The following KANSL1L variants were observed in gnomAD, a reference collection of about 807,000 sequenced individuals.
KANSL1L encodes KAT8 regulatory NSL complex subunit 1 like, also known as KAT8 regulatory NSL complex subunit 1-like protein.
A neutral mutation model predicts 108.6 loss-of-function variants in KANSL1L; 25 were observed. That is an observed-to-expected ratio of 0.23 (90% CI 0.17 to 0.32). KANSL1L has a LOEUF of 0.32. KANSL1L is among the 10% of genes least tolerant of loss of function. The probability of loss-of-function intolerance (pLI) is 1.00; values close to 1 mark genes in which losing one functional copy is unlikely to be tolerated. For missense variants in KANSL1L, 1,137 were observed against 1,125.7 expected (o/e 1.01, Z -0.14); for synonymous variants, 405 against 395.1 (o/e 1.03, Z -0.30).
Position 210,075,686 on chromosome 2 carries a change from T to G in KANSL1L, c.1621A>C (p.Lys541Gln). 1.2e-6 allele frequency: 2 copies of G among 1,614,014 alleles called. No homozygotes were observed. The highest frequency in any genetic ancestry group is 1.3e-5 in the African/African-American group (1 of 75,050). Reference protein sequence around the residue: ...WLLNQKHSKKKRKDRTRLKSS... With the variant: ...WLLNQKHSKKQRKDRTRLKSS... ...TTCAGTCTTGTCCTGTCTTTTCTCT[T>G]TTTCTTACTGTGCTTCTGGTTAAGT... is the stretch of plus-strand genomic sequence containing the variant. Residue 541 changes from lysine (K) to glutamine (Q), a missense_variant, in exon 6 of 15, where the codon AAG becomes CAG. By Grantham distance (53) the Lys-to-Gln change is moderately conservative (BLOSUM62 1). Transcript: ENST00000281772.
chr2:210,071,426 C>T (rs1235642683), intron 6 of KANSL1L, among the ~76,000 whole-genome samples: 2 of 151,774 alleles, frequency 1.3e-5, no homozygotes, highest in Non-Finnish European at 2.9e-5. Context: ...AACCATGATG[C>T]CTGGCTAATT....
At chr2:210,024,968 A>AT in intron 13 of KANSL1L, 136 bp downstream of exon 13, 2 of 624,604 alleles carry the variant, frequency 3.2e-6, no homozygotes, top group Non-Finnish European at 5.8e-6. Flanking sequence ...TCTATGTAGT[A>AT]TTTTACTTCT....
chr2:210,133,695 C>T (rs75879892), intron 2 of KANSL1L, among the ~76,000 whole-genome samples: 2,292 of 152,178 alleles, frequency 0.015, 67 homozygotes, highest in African/African-American at 0.053. Context: ...AGCCATACAG[C>T]ATTGCTTCAG....
At chr2:210,171,820 C>T (rs1419664059), upstream of KANSL1L, 3 of 152,102 alleles carry the variant, frequency 2.0e-5, no homozygotes, top group Admixed American at 6.5e-5. Context: ...TTTCGCCCGC[C>T]GCTCCACAGG....
intron 3 of KANSL1L, among the ~76,000 whole-genome samples, chr2:210,107,685 C>T (rs766909791): frequency 3.3e-5 from 5 of 151,756 alleles, no homozygotes; most frequent in Admixed American, 1.3e-4. Flanking sequence ...CCCGCCACCA[C>T]GCCCGGCTAA....
upstream of KANSL1L, chr2:210,171,592 C>T (rs1395706525): frequency 6.6e-6 from 1 of 152,312 alleles, no homozygotes; most frequent in Non-Finnish European, 1.5e-5. Context: ...CCTCGGCTCC[C>T]TCGGGACGGG....
At chr2:210,129,990 C>CAAAAAAAA (rs11439121) in intron 2 of KANSL1L, among the ~76,000 whole-genome samples, 1 of 135,848 alleles carries the variant, frequency 7.4e-6, no homozygotes, top group Non-Finnish European at 1.6e-5. Flanking sequence ...ATGCAGATTG[C>CAAAAAAAA]AAAAAAAAAA....
intron 12 of KANSL1L, among the ~76,000 whole-genome samples, chr2:210,026,652 TTAAA>T (rs1390757017): frequency 2.0e-5 from 3 of 152,210 alleles, no homozygotes; most frequent in Admixed American, 6.5e-5. Context: ...GCATTTAAAC[TTAAA>T]TAATGAGTGA....
intron 3 of KANSL1L, among the ~76,000 whole-genome samples, chr2:210,107,316 G>A (rs1019989835): frequency 4.0e-5 from 6 of 151,872 alleles, no homozygotes; most frequent in Non-Finnish European, 8.8e-5. Context: ...AGAAATCTAA[G>A]AGAGAAACCA....
At chr2:210,041,342 A>C (rs2094161950) in intron 7 of KANSL1L, among the ~76,000 whole-genome samples, 1 of 152,226 alleles carries the variant, frequency 6.6e-6, no homozygotes, top group Admixed American at 6.5e-5. Flanking sequence ...AGTTGATAAT[A>C]GTGAAAATTT....
At chr2:210,084,160 GCCTGTAA>G (rs1371134375) in intron 5 of KANSL1L, among the ~76,000 whole-genome samples, 2 of 152,122 alleles carry the variant, frequency 1.3e-5, no homozygotes, top group Admixed American at 1.3e-4. Flanking sequence ...AGTGGCTCAT[GCCTGTAA>G]TCCCAGCACT....
Position 210,122,915 on chromosome 2 carries a change from C to T in KANSL1L, c.1230+6116G>A, listed in dbSNP as rs149803542. Among the ~76,000 whole-genome samples the T allele has an allele frequency of 1.9e-3, 284 of 152,090 alleles. 1 individual carries two copies. Among genetic ancestry groups the T allele is most frequent in the African/African-American group, 5.3e-3 (221 of 41,512 alleles). ...TAGACCTTTCTCAAAAGAAGACATACAAATGGAAAACAGGTATATGAAAAA... is the reference window on the plus strand; with the variant it reads ...TAGACCTTTCTCAAAAGAAGACATATAAATGGAAAACAGGTATATGAAAAA... On this transcript the variant is annotated intron_variant, in intron 3 of 14. Coordinates refer to ENST00000281772, the MANE Select transcript of KANSL1L (RefSeq NM_152519.4).
intron 11 of KANSL1L, among the ~76,000 whole-genome samples, chr2:210,028,021 T>C (rs770329359): frequency 7.9e-5 from 12 of 152,230 alleles, no homozygotes; most frequent in Non-Finnish European, 1.3e-4. Flanking sequence ...CCTGTCTCTG[T>C]TTGCAGCCTT....
chr2:210,102,820 G>T (rs1334619565), intron 4 of KANSL1L, among the ~76,000 whole-genome samples: 1 of 152,140 alleles, frequency 6.6e-6, no homozygotes, highest in Non-Finnish European at 1.5e-5. Context: ...GGAAACAACA[G>T]GTGCTAGAGA....
chr2:210,120,129 C>A (rs1396233242), intron 3 of KANSL1L, among the ~76,000 whole-genome samples: 1 of 152,116 alleles, frequency 6.6e-6, no homozygotes, highest in Non-Finnish European at 1.5e-5. Flanking sequence ...GTGGCTCACA[C>A]CTGTAATCCT....
intron 5 of KANSL1L, among the ~76,000 whole-genome samples, chr2:210,087,058 T>C (rs2094644733): frequency 6.6e-6 from 1 of 151,772 alleles, no homozygotes; most frequent in Admixed American, 6.6e-5. Flanking sequence ...AGACAGGATC[T>C]TGCTCTGTCA....
intron 2 of KANSL1L, among the ~76,000 whole-genome samples, chr2:210,136,913 T>C (rs1183257335): frequency 6.6e-6 from 1 of 152,140 alleles, no homozygotes; most frequent in Non-Finnish European, 1.5e-5. Context: ...TTCTGCAAAA[T>C]AAAAATAGTT....
At chr2:210,093,884 C>T (rs1289281543) in intron 5 of KANSL1L, among the ~76,000 whole-genome samples, 2 of 152,140 alleles carry the variant, frequency 1.3e-5, no homozygotes, top group East Asian at 1.9e-4. Context: ...ATTATTCAGC[C>T]TTAAAAAGGG....
At chr2:210,121,331 T>G (rs1344070073) in intron 3 of KANSL1L, among the ~76,000 whole-genome samples, 1 of 152,164 alleles carries the variant, frequency 6.6e-6, no homozygotes, top group Non-Finnish European at 1.5e-5. Flanking sequence ...AACAATGAGA[T>G]CATGTCCTTT....
Sources: allele counts gnomAD v4.1 joint callset (sites outside exome capture counted in the v4.1 genomes callset), GRCh38; gene constraint gnomAD v4.1.1; transcripts MANE v1.5; gene names NCBI Gene and HGNC (gene_info 2026-07-23, HGNC 2026-07-21).